The following RASEF variants were observed in gnomAD, a reference collection of about 807,000 sequenced individuals.
RASEF encodes the protein ras and EF-hand domain-containing protein.
In RASEF, 68 loss-of-function variants were observed where a neutral mutation model predicts 90.1. The ratio of observed to expected loss-of-function variants is 0.75; its 90% CI spans 0.62 to 0.92. The LOEUF (loss-of-function observed/expected upper bound fraction) is 0.92. RASEF is among the 40% of genes least tolerant of loss of function. The probability of loss-of-function intolerance (pLI) is 0.00; values close to 1 mark genes in which losing one functional copy is unlikely to be tolerated. For synonymous variants in RASEF, 331 were observed against 345.2 expected, an observed-to-expected ratio of 0.96 and a Z score of 0.46; for missense variants, 949 against 937.2, an observed-to-expected ratio of 1.01 and a Z score of -0.16.
chr9:83,110,147 T>C, the RASEF span, among the ~76,000 whole-genome samples: 1 of 152,216 alleles, frequency 6.6e-6, no homozygotes, highest in East Asian at 1.9e-4. Context: ...TTAGCATGCT[T>C]CAGCCTATGC....
intron 4 of RASEF, among the ~76,000 whole-genome samples, chr9:83,014,676 T>C (rs1301137998): frequency 1.3e-5 from 2 of 152,102 alleles, no homozygotes; most frequent in African/African-American, 2.4e-5. Flanking sequence ...CCATTAGTTA[T>C]GGGAAAAACA....
At chr9:83,012,535 G>A in intron 4 of RASEF, 24 bp from the exon 5 acceptor site, 1 of 1,462,022 alleles carries the variant, frequency 6.8e-7, no homozygotes, top group Non-Finnish European at 9.4e-7. Flanking sequence ...TAAAAGTTGT[G>A]TGCTTACAAA....
chr9:83,192,600 T>C, the RASEF span, among the ~76,000 whole-genome samples: 1 of 151,978 alleles, frequency 6.6e-6, no homozygotes, highest in Admixed American at 6.6e-5. Flanking sequence ...AAAATAACTA[T>C]TGATAACTAG....
chr9:83,049,845 T>C (rs1242101006), intron 1 of RASEF, among the ~76,000 whole-genome samples: 2 of 85,616 alleles, frequency 2.3e-5, no homozygotes, highest in Non-Finnish European at 4.4e-5. Context: ...TCCAATTTCA[T>C]CCATGTCCCT....
chr9:83,034,804 C>G (rs1425570948), intron 1 of RASEF, among the ~76,000 whole-genome samples: 1 of 152,226 alleles, frequency 6.6e-6, no homozygotes, highest in Non-Finnish European at 1.5e-5. Context: ...GAGCCAAACA[C>G]TTCACCTCTC....
chr9:83,204,765 T>C, the RASEF span, among the ~76,000 whole-genome samples: 4 of 152,168 alleles, frequency 2.6e-5, no homozygotes, highest in African/African-American at 9.7e-5. Context: ...CTGATAACAA[T>C]GATGACATGG....
the RASEF span, among the ~76,000 whole-genome samples, chr9:83,144,369 A>C: frequency 2.0e-5 from 2 of 99,222 alleles, no homozygotes; most frequent in Non-Finnish European, 4.1e-5. Context: ...GAAAGAAAGA[A>C]AGAAAGAAAG....
chr9:83,085,882 G>A, the RASEF span, among the ~76,000 whole-genome samples: 134 of 151,850 alleles, frequency 8.8e-4, 1 homozygote, highest in Non-Finnish European at 1.5e-3. Flanking sequence ...CTGAGATTGC[G>A]CCACTACACT....
the RASEF span, among the ~76,000 whole-genome samples, chr9:83,124,134 T>C: frequency 6.6e-6 from 1 of 152,244 alleles, no homozygotes; most frequent in Non-Finnish European, 1.5e-5. Flanking sequence ...ATTTCCGTAC[T>C]TTTTAAGGCT....
At chr9:83,192,655 T>C in the RASEF span, among the ~76,000 whole-genome samples, 16 of 148,938 alleles carry the variant, frequency 1.1e-4, no homozygotes, top group Admixed American at 1.1e-3. Context: ...CAAACCCCCA[T>C]GACACAAGTT....
the RASEF span, among the ~76,000 whole-genome samples, chr9:83,158,649 CAAAT>C: frequency 2.4e-4 from 1 of 4,164 alleles, no homozygotes; most frequent in Non-Finnish European, 4.0e-4. Flanking sequence ...TATATATGTC[CAAAT>C]ATATACATAT....
the RASEF span, among the ~76,000 whole-genome samples, chr9:83,188,197 C>T: frequency 6.6e-6 from 1 of 152,124 alleles, no homozygotes; most frequent in Admixed American, 6.5e-5. Context: ...CCCCTAGCAT[C>T]TAATTTACAG....
the RASEF span, among the ~76,000 whole-genome samples, chr9:83,200,547 A>T: frequency 6.6e-6 from 1 of 152,100 alleles, no homozygotes; most frequent in African/African-American, 2.4e-5. Flanking sequence ...TCTCAGCGAG[A>T]CACTCCGGCC....
At chr9:83,158,348 G>C in the RASEF span, among the ~76,000 whole-genome samples, 2 of 151,834 alleles carry the variant, frequency 1.3e-5, no homozygotes, top group African/African-American at 4.8e-5. Flanking sequence ...TGAAATAATA[G>C]TACAAATACA....
In RASEF at chr9:82,982,811, G is replaced by C. The variant is rs527298340; in HGVS notation, c.2118-29C>G. ...AGACAGAGATAGAGAGAGACAGAGA[G>C]AGAGAGAGAGAGAGAGAGAGAGGAT... On this transcript the variant is annotated intron_variant, in intron 16 of 16. Transcript: ENST00000376447. The C allele has an allele frequency of 1.0e-4, 49 of 483,796 alleles. No homozygotes were observed. The highest frequency in any genetic ancestry group is 1.4e-4 in the Non-Finnish European group (44 of 315,258). The allele number at this position is 483,796 out of a possible 1,614,324, so 30.0% of individuals were successfully genotyped here. A position where few individuals can be genotyped will look rare whatever the true frequency, so the allele number is the denominator to read the frequency against.
At chr9:83,064,628 T>G, upstream of RASEF, among the ~76,000 whole-genome samples, 1 of 152,232 alleles carries the variant, frequency 6.6e-6, no homozygotes, top group Non-Finnish European at 1.5e-5. Context: ...TTTAACTGCT[T>G]AGGAAGAAGT....
the RASEF span, among the ~76,000 whole-genome samples, chr9:83,208,872 G>T: frequency 6.6e-6 from 1 of 152,146 alleles, no homozygotes; most frequent in East Asian, 1.9e-4. Context: ...TTATTTCCTA[G>T]AGCATTTGAA....
At chr9:83,216,907 CT>C in the RASEF span, among the ~76,000 whole-genome samples, 2 of 152,212 alleles carry the variant, frequency 1.3e-5, no homozygotes, top group South Asian at 4.2e-4. Flanking sequence ...CCACTAACAG[CT>C]TACACCATGC....
intron 1 of RASEF, chr9:83,048,148 A>G: frequency 3.0e-6 from 3 of 985,084 alleles, no homozygotes; most frequent in Non-Finnish European, 3.6e-6. Context: ...ACGTTTGTAA[A>G]CCCTCCTCCA....
Sources: gnomAD v4.1 joint callset for allele counts (sites outside exome capture counted in the v4.1 genomes callset) on GRCh38, gnomAD v4.1.1 for gene constraint, MANE v1.5 for transcripts, NCBI Gene and HGNC (gene_info 2026-07-23, HGNC 2026-07-21) for gene names.